FSTL5: variants seen among roughly 807,000 people sequenced by gnomAD.
The protein encoded by FSTL5 is follistatin like 5, also known as follistatin-related protein 5.
Under a neutral mutation model 89.1 loss-of-function variants are expected in FSTL5, and 62 were observed. The ratio of observed to expected loss-of-function variants is 0.70; its 90% CI spans 0.57 to 0.86. The LOEUF (loss-of-function observed/expected upper bound fraction) is 0.86, where lower values mean the gene tolerates loss of function less well. Ranked by LOEUF, FSTL5 falls within the 40% of genes least tolerant of loss-of-function variation. The probability of loss-of-function intolerance (pLI) is 0.00; values close to 1 mark genes in which losing one functional copy is unlikely to be tolerated. For synonymous variants in FSTL5, 383 were observed against 346.2 expected, an observed-to-expected ratio of 1.11 and a Z score of -1.18; for missense variants, 1,057 against 1,001.6, an observed-to-expected ratio of 1.06 and a Z score of -0.75.
At chr4:161,640,490 A>T (rs186122063) in intron 7 of FSTL5, among the ~76,000 whole-genome samples, 4 of 152,314 alleles carry the variant, frequency 2.6e-5, no homozygotes, top group East Asian at 1.9e-4. Context: ...CCAGAAAAAA[A>T]TTCTGGAGCT....
intron 8 of FSTL5, among the ~76,000 whole-genome samples, chr4:161,563,415 T>C (rs60739049): frequency 0.48 from 72,530 of 151,754 alleles, 17,593 homozygotes; most frequent in Middle Eastern, 0.6. Flanking sequence ...TTTCCACTTA[T>C]AGTGAATAGG....
Position 161,788,205 on chromosome 4 carries a change from A to G in FSTL5, c.410-12131T>C, listed in dbSNP as rs558331895. Among the ~76,000 whole-genome samples the G allele has an allele frequency of 1.2e-4, 19 of 152,344 alleles. No individual in the cohort carries two copies. The East Asian group carries it at 3.7e-3, about 29-fold the overall frequency. ...CATATATACATTGTGTAATGATCAA[A>G]TTAGGGTAAGTAGTATATCCATCAC... On this transcript the variant is annotated intron_variant, in intron 4 of 15. Coordinates refer to ENST00000306100, the MANE Select transcript of FSTL5 (RefSeq NM_020116.5).
intron 11 of FSTL5, among the ~76,000 whole-genome samples, chr4:161,502,933 T>C (rs1296840373): frequency 6.6e-6 from 1 of 151,696 alleles, no homozygotes; most frequent in African/African-American, 2.4e-5. Context: ...GAAAATAATA[T>C]ATTTGTATAG....
At position 161,920,393 on chromosome 4, in the gene FSTL5, C is replaced by A. The variant is rs371724709; in HGVS notation, c.409+11G>T. The A allele has an allele frequency of 1.2e-6, 2 of 1,611,960 alleles. No homozygotes were observed. The highest frequency in any genetic ancestry group is 3.3e-5 in the Admixed American group (2 of 59,870). ...GAGTGGGGTGACACTTAAGGTTCACCCTTCATTTACCTTTAAAGAAGCAGT... is the reference window on the plus strand; with the variant it reads ...GAGTGGGGTGACACTTAAGGTTCACACTTCATTTACCTTTAAAGAAGCAGT... On this transcript the variant is annotated intron_variant, in intron 4 of 15. Coordinates refer to ENST00000306100, the MANE Select transcript of FSTL5 (RefSeq NM_020116.5).
intron 1 of FSTL5, among the ~76,000 whole-genome samples, chr4:162,162,308 C>T (rs553334706): frequency 7.9e-5 from 12 of 152,094 alleles, no homozygotes; most frequent in East Asian, 1.9e-4. Context: ...ACTTAGTGTA[C>T]GCCTGCTGAA....
At chr4:162,157,159 A>T (rs568836460) in intron 1 of FSTL5, among the ~76,000 whole-genome samples, 21 of 152,270 alleles carry the variant, frequency 1.4e-4, no homozygotes, top group African/African-American at 4.8e-4. Context: ...AAAAATAGAG[A>T]ATAGGGAATC....
At chr4:161,670,474 TAC>T (rs535085763) in intron 6 of FSTL5, among the ~76,000 whole-genome samples, 69 of 152,338 alleles carry the variant, frequency 4.5e-4, no homozygotes, top group African/African-American at 1.6e-3. Flanking sequence ...TGTTTTAGAT[TAC>T]AGTCAGTCAG....
At chr4:162,111,699 A>G (rs1295606037) in intron 1 of FSTL5, among the ~76,000 whole-genome samples, 2 of 152,172 alleles carry the variant, frequency 1.3e-5, no homozygotes, top group African/African-American at 4.8e-5. Context: ...GGTTGAAAGA[A>G]AAGGGGAAAA....
chr4:161,598,668 C>A (rs1027946374), intron 7 of FSTL5, among the ~76,000 whole-genome samples: 2 of 151,990 alleles, frequency 1.3e-5, no homozygotes, highest in Non-Finnish European at 2.9e-5. Context: ...ATATACGATA[C>A]CTAGATAGCC....
At chr4:161,783,799 C>T (rs985410144) in intron 4 of FSTL5, among the ~76,000 whole-genome samples, 12 of 143,750 alleles carry the variant, frequency 8.3e-5, no homozygotes, top group Non-Finnish European at 9.0e-5. Flanking sequence ...CTGTTGTCAC[C>T]CAGGCTGGAG....
rs200408390 is a variant in FSTL5 at position 161,890,021 on chromosome 4, TG to T, written c.409+30382del. Among the ~76,000 whole-genome samples, 413 of 152,276 alleles carry T rather than the reference TG, an allele frequency of 2.7e-3. 4 individuals carry two copies. In the East Asian group the frequency reaches 0.031, roughly 11 times the overall value. Reference sequence around the variant, plus strand: ...AAATCAGTGCCAATAATGAAGACATTGGGAGGAGATTCCATCTGTCTGATAT... The same window carrying T: ...AAATCAGTGCCAATAATGAAGACATTGGAGGAGATTCCATCTGTCTGATAT... On this transcript the variant is annotated intron_variant, in intron 4 of 15. Coordinates refer to ENST00000306100, the MANE Select transcript of FSTL5 (RefSeq NM_020116.5).
At chr4:161,837,745 G>A (rs1579130300) in intron 4 of FSTL5, among the ~76,000 whole-genome samples, 2 of 152,092 alleles carry the variant, frequency 1.3e-5, no homozygotes, top group Admixed American at 1.3e-4. Flanking sequence ...ATAAAGGTTA[G>A]CTTTTGCTAA....
rs186765409 is a variant in FSTL5, at chr4:161,632,659, T to A, written c.894+23669A>T. ...ATTCTCTAAAACTAATAGTCTGAGT[T>A]AAAAGAAAGAGTTTTTTATTGATTT... On this transcript the variant is annotated intron_variant, in intron 7 of 15. Transcript: ENST00000306100. 1.8e-3 allele frequency among the ~76,000 whole-genome samples: 268 copies of A among 152,300 alleles called. 1 individual carries two copies. The highest frequency in any genetic ancestry group is 6.2e-3 in the African/African-American group (256 of 41,564).
chr4:162,067,109 C>G (rs1738946002), intron 2 of FSTL5, among the ~76,000 whole-genome samples: 1 of 152,056 alleles, frequency 6.6e-6, no homozygotes. Context: ...GATCATGGCT[C>G]ACTGCAGCCT....
intron 9 of FSTL5, among the ~76,000 whole-genome samples, chr4:161,542,008 T>C (rs2126544176): frequency 6.6e-6 from 1 of 152,052 alleles, no homozygotes; most frequent in Non-Finnish European, 1.5e-5. Context: ...GATTAGAATA[T>C]GTACAATATT....
chr4:161,505,363 C>T (rs574422821), intron 11 of FSTL5, among the ~76,000 whole-genome samples: 1 of 152,274 alleles, frequency 6.6e-6, no homozygotes, highest in South Asian at 2.1e-4. Flanking sequence ...TCAACTAGAA[C>T]AAGACTTGCT....
intron 3 of FSTL5, among the ~76,000 whole-genome samples, chr4:161,972,690 C>T (rs990541360): frequency 1.3e-5 from 2 of 152,200 alleles, no homozygotes; most frequent in Admixed American, 1.3e-4. Context: ...TGATTAACAC[C>T]TTGGATGTGA....
intron 5 of FSTL5, among the ~76,000 whole-genome samples, chr4:161,766,910 T>TAGATA (rs1741027318): frequency 3.7e-5 from 4 of 106,746 alleles, no homozygotes; most frequent in African/African-American, 1.6e-4. Flanking sequence ...ATAGATCGAT[T>TAGATA]GATAGATAGA....
intron 8 of FSTL5, among the ~76,000 whole-genome samples, chr4:161,568,743 T>C (rs1347460488): frequency 1.3e-5 from 2 of 152,318 alleles, no homozygotes; most frequent in East Asian, 3.9e-4. Flanking sequence ...TTGCTATGTT[T>C]CTTAACCAGG....
Sources: gnomAD v4.1 joint callset for allele counts (sites outside exome capture counted in the v4.1 genomes callset) on GRCh38, gnomAD v4.1.1 for gene constraint, MANE v1.5 for transcripts, NCBI Gene and HGNC (gene_info 2026-07-23, HGNC 2026-07-21) for gene names.